Variants in DNAAF9 observed in about 807,000 individuals in gnomAD.
DNAAF9 encodes the protein dynein axonemal assembly factor 9.
In DNAAF9, 90 loss-of-function variants were observed where a neutral mutation model predicts 167.0. The observed-to-expected ratio is 0.54, with a 90% CI of 0.45 to 0.64. The LOEUF (loss-of-function observed/expected upper bound fraction) is 0.64, where lower values mean the gene tolerates loss of function less well. DNAAF9 is among the 30% of genes least tolerant of loss of function. The pLI is 0.00. For missense variants in DNAAF9, 1,315 were observed against 1,442.2 expected (o/e 0.91, Z 1.43); for synonymous variants, 491 against 508.8 (o/e 0.96, Z 0.47).
At chr20:3,301,178 C>CTTTTTTT (rs11469332) in intron 21 of DNAAF9, among the ~76,000 whole-genome samples, 6 of 125,154 alleles carry the variant, frequency 4.8e-5, no homozygotes, top group Non-Finnish European at 3.3e-5. Context: ...TCATGCTTGG[C>CTTTTTTT]TTTTTTTTTT....
rs528120204 is a variant in DNAAF9 at position 3,271,408 on chromosome 20, G to T, written c.2651-846C>A. Among the ~76,000 whole-genome samples, 13 of 152,136 alleles carry T rather than the reference G, an allele frequency of 8.5e-5. 1 individual carries two copies. Among genetic ancestry groups the T allele is most frequent in the East Asian group, 1.9e-4 (1 of 5,176 alleles). On this transcript the variant is annotated intron_variant, in intron 29 of 36. Coordinates refer to ENST00000252032, the MANE Select transcript of DNAAF9 (RefSeq NM_001009984.3). Reference sequence around the variant, plus strand: ...CATGTAAGAAGAGGTTGCAGGGTGGGCCATGATCACTCCCAACCTTTTGGT... The same window carrying T: ...CATGTAAGAAGAGGTTGCAGGGTGGTCCATGATCACTCCCAACCTTTTGGT...
intron 12 of DNAAF9, among the ~76,000 whole-genome samples, chr20:3,327,304 T>G (rs2069728194): frequency 6.6e-6 from 1 of 152,104 alleles, no homozygotes; most frequent in South Asian, 2.1e-4. Flanking sequence ...CCACTAGATG[T>G]TGGTAGCATT....
chr20:3,287,684 G>A lies in DNAAF9; in HGVS notation c.2434C>T (p.Arg812Cys), dbSNP rs199755551. ...TTCTTGCGGATGTAGGCTGACTGGC[G>A]CGCAGAGCGGTTCTGCTGGGCCTCT... ...ALEAQQNRSARQSAYIRKKTR... is the reference protein window; with the variant it reads ...ALEAQQNRSACQSAYIRKKTR... The change falls in exon 27 of 37, where the codon CGC (arginine) becomes TGC (cysteine). Residue 812 changes from arginine (R) to cysteine (C), a missense_variant. By Grantham distance (180) the Arg-to-Cys change is radical (BLOSUM62 -3). This residue lies in a region of DNAAF9 where 981 missense variants were observed against 1,012.5 expected (regional missense o/e 0.97). Coordinates refer to ENST00000252032, the MANE Select transcript of DNAAF9 (RefSeq NM_001009984.3). 470 of 1,614,100 alleles carry A rather than the reference G, an allele frequency of 2.9e-4. No homozygotes were observed. Among genetic ancestry groups the A allele is most frequent in the Non-Finnish European group, 3.7e-4 (432 of 1,180,022 alleles).
At chr20:3,318,458 C>A in intron 16 of DNAAF9, 58 bp from the exon 17 acceptor site, 3 of 838,768 alleles carry the variant, frequency 3.6e-6, no homozygotes, top group South Asian at 1.4e-5. Flanking sequence ...TCAGAGAAGT[C>A]CATAAGAATG....
intron 7 of DNAAF9, among the ~76,000 whole-genome samples, chr20:3,349,553 G>A (rs2070273585): frequency 6.6e-6 from 1 of 152,106 alleles, no homozygotes; most frequent in Non-Finnish European, 1.5e-5. Context: ...GGGAAGGGTG[G>A]CACAGAGCCC....
chr20:3,350,200 C>T (rs2070294023), intron 7 of DNAAF9, among the ~76,000 whole-genome samples: 1 of 149,598 alleles, frequency 6.7e-6, no homozygotes, highest in African/African-American at 2.5e-5. Flanking sequence ...CAAATTCTGG[C>T]CAGGTATGGT....
At chr20:3,367,174 C>T (rs145666372) in intron 6 of DNAAF9, among the ~76,000 whole-genome samples, 42 of 152,306 alleles carry the variant, frequency 2.8e-4, no homozygotes, top group African/African-American at 1.0e-3. Flanking sequence ...TCAACCTCTG[C>T]TAGCTTTAAA....
intron 33 of DNAAF9, 63 bp from the exon 34 acceptor site, chr20:3,256,274 A>ACT: frequency 8.6e-7 from 1 of 1,161,970 alleles, no homozygotes; most frequent in South Asian, 1.3e-5. Context: ...CTATGCTAAG[A>ACT]CTGTGACAAT....
In DNAAF9 at chr20:3,337,759, T is replaced by C. The variant is rs371592170; in HGVS notation, c.981+2745A>G. On this transcript the variant is annotated intron_variant, in intron 10 of 36. Transcript: ENST00000252032. ...CTTTGTGTGTAGTGCATAAACCTTG[T>C]GTCAGAGTACTCCCATGTCCTCCCT... Among the ~76,000 whole-genome samples the C allele has an allele frequency of 1.0e-3, 152 of 152,080 alleles. 1 individual carries two copies. Among genetic ancestry groups the C allele is most frequent in the Middle Eastern group, 3.4e-3 (1 of 294 alleles).
intron 3 of DNAAF9, among the ~76,000 whole-genome samples, chr20:3,380,423 A>G (rs1454954672): frequency 2.0e-5 from 3 of 152,196 alleles, no homozygotes; most frequent in Non-Finnish European, 4.4e-5. Context: ...AGGATTTCTC[A>G]ACCTCGGCAC....
intron 6 of DNAAF9, among the ~76,000 whole-genome samples, chr20:3,363,619 G>A (rs867233548): frequency 6.6e-6 from 1 of 151,128 alleles, no homozygotes; most frequent in Non-Finnish European, 1.5e-5. Flanking sequence ...TAGGGAAGCA[G>A]AAGCAGGAGG....
Position 3,255,239 on chromosome 20 carries a change from G to A in DNAAF9, c.3307C>T (p.Gln1103Ter), listed in dbSNP as rs1157624244. The A allele has an allele frequency of 6.4e-7, 1 of 1,550,790 alleles. No individual in the cohort carries two copies. Among genetic ancestry groups the A allele is most frequent in the Non-Finnish European group, 8.7e-7 (1 of 1,146,278 alleles). ...ALKTRGMLTQ[Q>*]EIRSIHVKRH... ...CTCACGTGGATGCTCCTGATCTCCT[G>A]TTGCGTCAGCATCCCCCTGGTCTTC... Residue 1103 changes from glutamine (Q) to a stop codon, truncating the protein, a stop_gained, in exon 35 of 37, where the codon CAG becomes TAG. Transcript: ENST00000252032. LOFTEE classifies it high-confidence loss of function.
chr20:3,306,697 G>C (rs6084334), intron 20 of DNAAF9, among the ~76,000 whole-genome samples: 3 of 152,020 alleles, frequency 2.0e-5, no homozygotes, highest in Non-Finnish European at 4.4e-5. Flanking sequence ...CCAAAGCCCA[G>C]CTGTGGTGAA....
At chr20:3,257,574 C>A (rs1418719249) in intron 33 of DNAAF9, among the ~76,000 whole-genome samples, 1 of 152,110 alleles carries the variant, frequency 6.6e-6, no homozygotes, top group East Asian at 1.9e-4. Flanking sequence ...GACGGAGTTT[C>A]ACTCTGTCGC....
chr20:3,331,158 G>A (rs1381805584), intron 11 of DNAAF9, among the ~76,000 whole-genome samples: 3 of 152,126 alleles, frequency 2.0e-5, no homozygotes, highest in Non-Finnish European at 4.4e-5. Flanking sequence ...ATTCCCAATA[G>A]CCTCCTGAAC....
At chr20:3,348,362 AG>A (rs2070237888) in intron 8 of DNAAF9, among the ~76,000 whole-genome samples, 162 bp downstream of exon 8, 1 of 152,208 alleles carries the variant, frequency 6.6e-6, no homozygotes, top group Non-Finnish European at 1.5e-5. Context: ...CTTTTTATAA[AG>A]GGTTGGCATG....
chr20:3,364,061 TGAATA>T (rs2083399132), intron 6 of DNAAF9, among the ~76,000 whole-genome samples: 1 of 152,118 alleles, frequency 6.6e-6, no homozygotes, highest in Non-Finnish European at 1.5e-5. Flanking sequence ...CTCAGCCTCC[TGAATA>T]GCTGAGACTA....
rs575624770 is a variant in DNAAF9, at chr20:3,371,580, T to C, written c.612+2468A>G. 2.6e-5 allele frequency among the ~76,000 whole-genome samples: 4 copies of C among 152,056 alleles called. No homozygotes were observed. In the East Asian group the frequency reaches 7.7e-4, roughly 29 times the overall value. On this transcript the variant is annotated intron_variant, in intron 6 of 36. Transcript: ENST00000252032. Reference sequence around the variant, plus strand: ...GGATGGTCTCGATCTGCTGACCTCGTGATCCGCCCGCCTCGGCCTCCCAAA... The same window carrying C: ...GGATGGTCTCGATCTGCTGACCTCGCGATCCGCCCGCCTCGGCCTCCCAAA...
Position 3,288,231 on chromosome 20 carries a change from C to T in DNAAF9, c.2328-441G>A, listed in dbSNP as rs368361058. Among the ~76,000 whole-genome samples the T allele has an allele frequency of 8.5e-5, 13 of 152,192 alleles. No homozygotes were observed. In the East Asian group the frequency reaches 2.3e-3, roughly 27 times the overall value. ...TTGGGAGGCCGAGGCGGGCGGATCA[C>T]CTGAAGTCGGGAGGTTCAAGACCAG... On this transcript the variant is annotated intron_variant, in intron 26 of 36. Transcript: ENST00000252032.
Sources: allele counts gnomAD v4.1 joint callset (sites outside exome capture counted in the v4.1 genomes callset), GRCh38; gene constraint gnomAD v4.1.1; regional missense constraint gnomAD v4.1.1; transcripts MANE v1.5; gene names NCBI Gene and HGNC (gene_info 2026-07-23, HGNC 2026-07-21).